Variants in PCDHGB3 observed in about 807,000 individuals in gnomAD.
The protein encoded by PCDHGB3 is protocadherin gamma subfamily B, 3, also known as protocadherin gamma-B3.
A neutral mutation model predicts 59.2 loss-of-function variants in PCDHGB3; 40 were observed. The observed-to-expected ratio is 0.68, with a 90% CI of 0.52 to 0.88. PCDHGB3 has a LOEUF of 0.88. PCDHGB3 is among the 40% of genes least tolerant of loss of function. PCDHGB3 has a pLI of 0.00. For missense variants in PCDHGB3, 1,309 were observed against 1,187.9 expected, an observed-to-expected ratio of 1.10 and a Z score of -1.50; for synonymous variants, 581 against 503.6, an observed-to-expected ratio of 1.15 and a Z score of -2.06.
In PCDHGB3 at chr5:141,486,128, G is replaced by C. The variant is rs1447222839; in HGVS notation, c.2416-8679G>C. ...TGAGAGTGAGAATTACTATGAATTT[G>C]ATGTGCGGGCTCGCGATGGGGGTTC... is the stretch of plus-strand genomic sequence containing the variant. On this transcript the variant is annotated intron_variant, in intron 1 of 3. Transcript: ENST00000576222. This position sits in a 1 kb window ranked among gnomAD's most constrained non-coding sequence, Gnocchi z 5.0. 6.2e-7 allele frequency: 1 copy of C among 1,614,066 alleles called. No homozygotes were observed. Among genetic ancestry groups the C allele is most frequent in the Non-Finnish European group, 8.5e-7 (1 of 1,180,034 alleles).
chr5:141,475,981 G>A, intron 1 of PCDHGB3: 1 of 1,042,940 alleles, frequency 9.6e-7, no homozygotes, highest in Non-Finnish European at 1.4e-6. Context: ...CTGAACAGCC[G>A]GCGAGCAAAT....
At chr5:141,438,627 TATATATATAC>T (rs572501359) in intron 1 of PCDHGB3, among the ~76,000 whole-genome samples, 778 of 47,938 alleles carry the variant, frequency 0.016, 4 homozygotes, top group East Asian at 0.059. Context: ...TATATATATA[TATATATATAC>T]ACACACACAC....
At chr5:141,492,859 C>G (rs966216924) in intron 1 of PCDHGB3, among the ~76,000 whole-genome samples, 1 of 152,232 alleles carries the variant, frequency 6.6e-6, no homozygotes, top group Non-Finnish European at 1.5e-5. Context: ...CTCGAGCGCC[C>G]TGGCTCTCAA....
chr5:141,383,143 G>A (rs371358932), intron 1 of PCDHGB3: 2 of 1,613,972 alleles, frequency 1.2e-6, no homozygotes, highest in Non-Finnish European at 8.5e-7. Context: ...CCAGCGCAGC[G>A]GCAGCTTGGT....
At chr5:141,450,297 G>A (rs1414677718) in intron 1 of PCDHGB3, among the ~76,000 whole-genome samples, 3 of 151,838 alleles carry the variant, frequency 2.0e-5, no homozygotes, top group Non-Finnish European at 4.4e-5. Context: ...ACAGGCGTGA[G>A]CCACCATGTG....
chr5:141,431,215 CCCTCTACCCCACG>C lies in PCDHGB3; in HGVS notation c.2415+58410_2415+58422del. The C allele has an allele frequency of 6.2e-7, 1 of 1,614,184 alleles. No homozygotes were observed. Among genetic ancestry groups the C allele is most frequent in the Non-Finnish European group, 8.5e-7 (1 of 1,180,048 alleles). On this transcript the variant is annotated intron_variant, in intron 1 of 3. Transcript: ENST00000576222. The surrounding 1 kb of genome is among the most constrained non-coding windows in gnomAD (Gnocchi z 4.8). ...AAAATGCAGCCACTGAGATGCGGTT[CCCTCTACCCCACG>C]CCTGGGATCCGGATATCGGGAAGAA... is the stretch of plus-strand genomic sequence containing the variant.
At position 141,511,871 on chromosome 5, in the gene PCDHGB3, A is replaced by T. The variant is rs1306732557; in HGVS notation, c.*698A>T. On this transcript the variant is annotated 3_prime_UTR_variant, in exon 4 of 4. Coordinates refer to ENST00000576222, the MANE Select transcript of PCDHGB3 (RefSeq NM_018924.5). ...TTGTTTTTCATTGTTTGACGTTTCCACTGCATGCCTTGACTTCCCCCACCT... is the reference window on the plus strand; with the variant it reads ...TTGTTTTTCATTGTTTGACGTTTCCTCTGCATGCCTTGACTTCCCCCACCT... 1 of 156,376 alleles carries T rather than the reference A, an allele frequency of 6.4e-6. No homozygotes were observed. The highest frequency in any genetic ancestry group is 1.9e-4 in the East Asian group (1 of 5,268). 9.7% of individuals were successfully genotyped at this position (156,376 alleles called of 1,614,324 possible).
intron 1 of PCDHGB3, among the ~76,000 whole-genome samples, chr5:141,439,380 G>C (rs1324859898): frequency 6.6e-6 from 1 of 152,158 alleles, no homozygotes; most frequent in East Asian, 1.9e-4. Flanking sequence ...ATAAAAATAA[G>C]TCATCACTTC....
At chr5:141,395,375 G>A (rs761076022) in intron 1 of PCDHGB3, 34 of 1,180,184 alleles carry the variant, frequency 2.9e-5, no homozygotes, top group Non-Finnish European at 3.3e-5. Flanking sequence ...TTTTGGTGGT[G>A]TTACTATAAA....
At chr5:141,470,825 C>G (rs557419577) in intron 1 of PCDHGB3, among the ~76,000 whole-genome samples, 24 of 152,182 alleles carry the variant, frequency 1.6e-4, no homozygotes, top group African/African-American at 4.1e-4. Context: ...GTAGTTAGGA[C>G]GACAAACACA....
chr5:141,439,117 C>T (rs1219829519), intron 1 of PCDHGB3, among the ~76,000 whole-genome samples: 6 of 150,696 alleles, frequency 4.0e-5, no homozygotes, highest in African/African-American at 7.3e-5. Context: ...CACTTGAACC[C>T]GGGAGACAGA....
Position 141,431,633 on chromosome 5 carries a change from T to A in PCDHGB3, c.2415+58824T>A. ...TGTGGACGACAAGGCGGCCCAAGTT[T>A]TCAAACTAGATTGTAATTCAGGGAC... On this transcript the variant is annotated intron_variant, in intron 1 of 3. Coordinates refer to ENST00000576222, the MANE Select transcript of PCDHGB3 (RefSeq NM_018924.5). The surrounding 1 kb of genome is among the most constrained non-coding windows in gnomAD (Gnocchi z 4.8). 1 of 1,614,240 alleles carries A rather than the reference T, an allele frequency of 6.2e-7. No individual in the cohort carries two copies. The highest frequency in any genetic ancestry group is 8.5e-7 in the Non-Finnish European group (1 of 1,180,048).
Position 141,489,087 on chromosome 5 carries a change from T to TCAAA in PCDHGB3, c.2416-5720_2416-5719insCAAA. 4.6e-6 allele frequency: 1 copy of TCAAA among 216,106 alleles called. No individual in the cohort carries two copies. The highest frequency in any genetic ancestry group is 8.4e-6 in the Non-Finnish European group (1 of 118,736). The allele number at this position is 216,106 out of a possible 1,614,324, so 13.4% of individuals were successfully genotyped here. On this transcript the variant is annotated intron_variant, in intron 1 of 3. Coordinates refer to ENST00000576222, the MANE Select transcript of PCDHGB3 (RefSeq NM_018924.5). This position sits in a 1 kb window ranked among gnomAD's most constrained non-coding sequence, Gnocchi z 4.5. The stretch of plus-strand genomic sequence containing the variant: ...CCCCCTGCCCACCCCCGCCACTCGG[T>TCAAA]GACTAAGAACTGCTGCAAGCAGGCA...
At chr5:141,383,889 G>T in intron 1 of PCDHGB3, 1 of 1,613,938 alleles carries the variant, frequency 6.2e-7, no homozygotes, top group South Asian at 1.1e-5. Context: ...GTCTGACAAA[G>T]GCAAAAGTAC....
intron 1 of PCDHGB3, chr5:141,410,045 G>A (rs962300160): frequency 1.9e-6 from 3 of 1,613,048 alleles, no homozygotes; most frequent in African/African-American, 1.3e-5. Context: ...CAGTGAGCCC[G>A]GACTCTTCAG....
intron 1 of PCDHGB3, among the ~76,000 whole-genome samples, chr5:141,494,070 C>T (rs933213518): frequency 3.9e-5 from 6 of 152,174 alleles, no homozygotes; most frequent in African/African-American, 1.4e-4. Context: ...AGCTGGATCC[C>T]TCCCCGCTGC....
At chr5:141,403,225 C>T (rs2154532251) in intron 1 of PCDHGB3, 2 of 1,613,958 alleles carry the variant, frequency 1.2e-6, no homozygotes, top group Non-Finnish European at 1.7e-6. Flanking sequence ...GTAGGATAGA[C>T]CGGGAGGAGC....
intron 1 of PCDHGB3, among the ~76,000 whole-genome samples, chr5:141,442,726 C>A (rs1160438073): frequency 2.6e-5 from 4 of 152,060 alleles, no homozygotes; most frequent in Non-Finnish European, 5.9e-5. Context: ...GCATTTGGGG[C>A]CTGTAGGTAA....
intron 1 of PCDHGB3, among the ~76,000 whole-genome samples, chr5:141,451,630 C>T (rs899343801): frequency 2.0e-5 from 3 of 152,132 alleles, no homozygotes; most frequent in Non-Finnish European, 2.9e-5. Flanking sequence ...ACCTGTAATT[C>T]CAGCACTCTG....
Sources: allele counts gnomAD v4.1 joint callset (sites outside exome capture counted in the v4.1 genomes callset), GRCh38; gene constraint gnomAD v4.1.1; non-coding constraint Gnocchi (gnomAD v3.1); transcripts MANE v1.5; gene names NCBI Gene and HGNC (gene_info 2026-07-23, HGNC 2026-07-21).